The following CD226 variants were observed in gnomAD, a reference collection of about 807,000 sequenced individuals.
CD226 encodes the protein CD226 antigen.
CD226 carries 24 observed loss-of-function variants against 34.9 expected under a neutral mutation model. The observed-to-expected ratio is 0.69, with a 90% CI of 0.50 to 0.97. The LOEUF (loss-of-function observed/expected upper bound fraction) is 0.97, where lower values mean the gene tolerates loss of function less well. CD226 is among the 50% of genes least tolerant of loss of function. The pLI is 0.00. For missense variants in CD226, 397 were observed against 412.7 expected (o/e 0.96, Z 0.33); for synonymous variants, 148 against 147.4 (o/e 1.00, Z -0.03).
chr18:69,949,745 C>T (rs551827005), upstream of CD226, among the ~76,000 whole-genome samples: 7 of 151,864 alleles, frequency 4.6e-5, no homozygotes, highest in East Asian at 1.4e-3. Context: ...ACACAACATG[C>T]ACCCACATAC....
At chr18:69,864,539 G>T in intron 5 of CD226, 100 bp from the exon 6 acceptor site, 3 of 1,124,840 alleles carry the variant, frequency 2.7e-6, no homozygotes, top group Non-Finnish European at 3.8e-6. Flanking sequence ...GCATGATATG[G>T]GACAAGTTTC....
intron 3 of CD226, among the ~76,000 whole-genome samples, chr18:69,874,120 C>T (rs1481580572): frequency 2.0e-5 from 3 of 152,156 alleles, no homozygotes; most frequent in African/African-American, 7.2e-5. Flanking sequence ...ATTCAACTGA[C>T]CGACTCCAGC....
chr18:69,928,075 T>C (rs561608621), intron 2 of CD226, among the ~76,000 whole-genome samples: 26 of 152,296 alleles, frequency 1.7e-4, no homozygotes, highest in Middle Eastern at 3.4e-3. Context: ...TTTCAAACCA[T>C]TTAGAAAGAC....
chr18:69,919,667 G>T (rs892951689), intron 2 of CD226, among the ~76,000 whole-genome samples: 1 of 152,132 alleles, frequency 6.6e-6, no homozygotes, highest in African/African-American at 2.4e-5. Flanking sequence ...ATCTTATTTC[G>T]CTGAACAATG....
chr18:69,914,826 T>C (rs2055366463), intron 2 of CD226, among the ~76,000 whole-genome samples: 1 of 152,258 alleles, frequency 6.6e-6, no homozygotes, highest in East Asian at 1.9e-4. Flanking sequence ...ATGCAATAGG[T>C]CCTGACTCGC....
At chr18:69,961,304 G>C (rs989536603), upstream of CD226, among the ~76,000 whole-genome samples, 1 of 152,102 alleles carries the variant, frequency 6.6e-6, no homozygotes, top group Non-Finnish European at 1.5e-5. Flanking sequence ...GCTCCTCTAT[G>C]GCAAGACCCA....
chr18:69,945,674 T>C (rs2055780385), intron 2 of CD226, among the ~76,000 whole-genome samples: 1 of 152,154 alleles, frequency 6.6e-6, no homozygotes, highest in African/African-American at 2.4e-5. Context: ...GGCAACATGT[T>C]GAAACCTCAT....
chr18:69,864,269 G>C lies in CD226; in HGVS notation c.*45C>G, dbSNP rs57613010. 7,930 of 1,598,064 alleles carry C rather than the reference G, an allele frequency of 5.0e-3. 240 individuals are homozygous for C. In the East Asian group the frequency reaches 0.095, roughly 19 times the overall value. Reference sequence around the variant, plus strand: ...AAAAATTGCATAAAGATCCATGCATGAGTACATAAGAGTCATTACTAATGC... The same window carrying C: ...AAAAATTGCATAAAGATCCATGCATCAGTACATAAGAGTCATTACTAATGC... On this transcript the variant is annotated 3_prime_UTR_variant, in exon 6 of 6. Coordinates refer to ENST00000582621, the MANE Select transcript of CD226 (RefSeq NM_001303618.2).
At chr18:69,938,629 T>C (rs2055684514) in intron 2 of CD226, among the ~76,000 whole-genome samples, 1 of 152,246 alleles carries the variant, frequency 6.6e-6, no homozygotes, top group South Asian at 2.1e-4. Flanking sequence ...TCTTTTTCAC[T>C]AAAATCATCA....
At chr18:69,913,249 T>C (rs1322670203) in intron 2 of CD226, among the ~76,000 whole-genome samples, 2 of 151,904 alleles carry the variant, frequency 1.3e-5, no homozygotes, top group African/African-American at 2.4e-5. Flanking sequence ...AAGGATATCA[T>C]AGAAAGAAAA....
chr18:69,926,233 G>A lies in CD226; in HGVS notation c.382+20501C>T, dbSNP rs558750523. Among the ~76,000 whole-genome samples, 209 of 151,986 alleles carry A rather than the reference G, an allele frequency of 1.4e-3. 2 individuals are homozygous for A. The highest frequency in any genetic ancestry group is 1.3e-3 in the Non-Finnish European group (87 of 67,994). On this transcript the variant is annotated intron_variant, in intron 2 of 5. Transcript: ENST00000582621. Reference sequence around the variant, plus strand: ...ATCCCATTCCCACCTCATACATTATGTTTCAGGATGATGGGCTGCTTTTCC... The same window carrying A: ...ATCCCATTCCCACCTCATACATTATATTTCAGGATGATGGGCTGCTTTTCC...
At chr18:69,923,819 T>C (rs1021090806) in intron 2 of CD226, among the ~76,000 whole-genome samples, 6 of 151,572 alleles carry the variant, frequency 4.0e-5, no homozygotes, top group African/African-American at 1.2e-4. Context: ...CCGGGCGTAG[T>C]GGCGGGCGCC....
intron 4 of CD226, among the ~76,000 whole-genome samples, chr18:69,870,170 T>C (rs1218593568): frequency 6.6e-6 from 1 of 152,014 alleles, no homozygotes; most frequent in Non-Finnish European, 1.5e-5. Flanking sequence ...AATGCCAGTG[T>C]TCACAAGGAA....
At chr18:69,898,126 G>A (rs555463499) in intron 2 of CD226, among the ~76,000 whole-genome samples, 1 of 152,154 alleles carries the variant, frequency 6.6e-6, no homozygotes, top group East Asian at 1.9e-4. Flanking sequence ...AAAGGAAGAC[G>A]TGAGAAAAGA....
chr18:69,943,157 G>A (rs548600790), intron 2 of CD226, among the ~76,000 whole-genome samples: 2 of 152,304 alleles, frequency 1.3e-5, no homozygotes, highest in African/African-American at 4.8e-5. Flanking sequence ...TGCTTCATAA[G>A]GATTAAATGA....
At chr18:69,870,575 A>T (rs1462427659) in intron 4 of CD226, among the ~76,000 whole-genome samples, 2 of 152,184 alleles carry the variant, frequency 1.3e-5, no homozygotes, top group East Asian at 3.9e-4. Flanking sequence ...ATGCCTGGCC[A>T]TATTTTGGCT....
chr18:69,960,068 C>T (rs1446216458), upstream of CD226, among the ~76,000 whole-genome samples: 1 of 151,758 alleles, frequency 6.6e-6, no homozygotes, highest in Non-Finnish European at 1.5e-5. Context: ...GGTGAAACCC[C>T]GTCTCTACTA....
chr18:69,944,564 T>C (rs1386230603), intron 2 of CD226: 2 of 152,374 alleles, frequency 1.3e-5, no homozygotes, highest in East Asian at 1.9e-4. Context: ...TTTCAATTGG[T>C]TGTCCTGTGA....
intron 3 of CD226, among the ~76,000 whole-genome samples, chr18:69,875,891 T>C (rs956389525): frequency 1.3e-5 from 2 of 152,064 alleles, no homozygotes; most frequent in African/African-American, 4.8e-5. Flanking sequence ...AATAGAACAG[T>C]GGTTGCCAGG....
Sources: allele counts gnomAD v4.1 joint callset (sites outside exome capture counted in the v4.1 genomes callset), GRCh38; gene constraint gnomAD v4.1.1; transcripts MANE v1.5; gene names NCBI Gene and HGNC (gene_info 2026-07-23, HGNC 2026-07-21).